The following RABGAP1L variants were observed in gnomAD, a reference collection of about 807,000 sequenced individuals.
The protein encoded by RABGAP1L is rab GTPase-activating protein 1-like.
Under a neutral mutation model 137.7 loss-of-function variants are expected in RABGAP1L, and 63 were observed. The observed-to-expected ratio is 0.46, with a 90% CI of 0.37 to 0.56. The LOEUF (loss-of-function observed/expected upper bound fraction) is 0.56, where lower values mean the gene tolerates loss of function less well. Among genes scored for constraint, RABGAP1L ranks in the 20% least tolerant of loss-of-function variants. RABGAP1L has a pLI of 0.00. For missense variants in RABGAP1L, 1,095 were observed against 1,244.0 expected, an observed-to-expected ratio of 0.88 and a Z score of 1.80; for synonymous variants, 431 against 433.7, an observed-to-expected ratio of 0.99 and a Z score of 0.08.
chr1:174,340,588 A>C (rs1417556603), intron 11 of RABGAP1L, among the ~76,000 whole-genome samples: 1 of 152,150 alleles, frequency 6.6e-6, no homozygotes, highest in East Asian at 1.9e-4. Context: ...CCATGTTCCT[A>C]CAAAGGACAT....
intron 13 of RABGAP1L, among the ~76,000 whole-genome samples, chr1:174,398,406 G>T (rs546940763): frequency 1.3e-5 from 2 of 152,046 alleles, no homozygotes; most frequent in Non-Finnish European, 2.9e-5. Context: ...GCCAGCCTAC[G>T]TCATGAGTCT....
intron 18 of RABGAP1L, chr1:174,800,297 T>C: frequency 6.5e-7 from 1 of 1,537,580 alleles, no homozygotes; most frequent in East Asian, 2.5e-5. Flanking sequence ...GGATAAGAGA[T>C]CCATCTTTCT....
chr1:174,972,055 C>T (rs928853390), intron 21 of RABGAP1L, among the ~76,000 whole-genome samples: 2 of 152,190 alleles, frequency 1.3e-5, no homozygotes, highest in African/African-American at 4.8e-5. Context: ...CGCCCTCTCT[C>T]GGATTCCTTA....
intron 11 of RABGAP1L, among the ~76,000 whole-genome samples, chr1:174,326,211 A>G (rs1033741561): frequency 2.0e-5 from 3 of 152,240 alleles, no homozygotes; most frequent in Non-Finnish European, 4.4e-5. Context: ...AGGACAAAGC[A>G]AGGTCCTAAC....
At chr1:174,527,652 T>G (rs898927821) in intron 13 of RABGAP1L, among the ~76,000 whole-genome samples, 1 of 152,194 alleles carries the variant, frequency 6.6e-6, no homozygotes, top group Non-Finnish European at 1.5e-5. Flanking sequence ...GTTAGGTCCA[T>G]TAGGTCTGAA....
intron 19 of RABGAP1L, among the ~76,000 whole-genome samples, chr1:174,880,443 G>A (rs1016630430): frequency 6.6e-6 from 1 of 151,442 alleles, no homozygotes; most frequent in African/African-American, 2.4e-5. Context: ...TTCAAGACCA[G>A]CGTAGGCAAC....
At chr1:174,550,855 TAA>T (rs1307019761) in intron 13 of RABGAP1L, among the ~76,000 whole-genome samples, 1 of 71,400 alleles carries the variant, frequency 1.4e-5, no homozygotes, top group Non-Finnish European at 2.5e-5. Flanking sequence ...CCGTCTCTGC[TAA>T]ATATATATAT....
rs1218450360 is a variant in RABGAP1L at position 174,991,139 on chromosome 1, T to C, written c.*1138T>C. On this transcript the variant is annotated 3_prime_UTR_variant, in exon 26 of 26. Transcript: ENST00000681986. ...TATAAAACCTTTACAGAAATACTTA[T>C]CTCATGGAAAGGTAAAGCTATTGTT... 4 of 152,202 alleles carry C rather than the reference T, an allele frequency of 2.6e-5. No individual in the cohort carries two copies. The highest frequency in any genetic ancestry group is 4.4e-5 in the Non-Finnish European group (3 of 68,026). The allele number at this position is 152,202 out of a possible 1,614,324, so 9.4% of individuals were successfully genotyped here. A position where few individuals can be genotyped will look rare whatever the true frequency, so the allele number is the denominator to read the frequency against.
chr1:174,632,035 TTGTTCCTTTCCA>T (rs1375778263), intron 13 of RABGAP1L, among the ~76,000 whole-genome samples: 1 of 119,366 alleles, frequency 8.4e-6, no homozygotes, highest in Non-Finnish European at 1.7e-5. Context: ...CTGGTACCGG[TTGTTCCTTTCCA>T]TGTTTAGCGC....
At chr1:174,666,161 A>G (rs1172212597) in intron 14 of RABGAP1L, among the ~76,000 whole-genome samples, 1 of 152,142 alleles carries the variant, frequency 6.6e-6, no homozygotes, top group Non-Finnish European at 1.5e-5. Flanking sequence ...TTTATTCCAC[A>G]TATTTTTTAC....
chr1:174,796,823 A>G (rs1296404796), intron 18 of RABGAP1L, among the ~76,000 whole-genome samples: 2 of 152,126 alleles, frequency 1.3e-5, no homozygotes, highest in Admixed American at 6.5e-5. Context: ...CCTGGCCAAC[A>G]TGGTGAAACC....
chr1:174,232,170 A>C (rs1670720292), intron 4 of RABGAP1L, among the ~76,000 whole-genome samples: 1 of 152,162 alleles, frequency 6.6e-6, no homozygotes. Context: ...CTTATGCTTA[A>C]TTAGGAATAA....
At position 174,417,724 on chromosome 1, in the gene RABGAP1L, G is replaced by A. The variant is rs542302886; in HGVS notation, c.1710+23579G>A. ...TGTTGTGTGTGTATTTAACACAGTC[G>A]TTTTAAGAATCACATATTAATTTAC... On this transcript the variant is annotated intron_variant, in intron 13 of 25. Transcript: ENST00000681986. Among the ~76,000 whole-genome samples the A allele has an allele frequency of 1.8e-4, 28 of 152,198 alleles. No individual in the cohort carries two copies. In the South Asian group the frequency reaches 5.0e-3, roughly 27 times the overall value.
At chr1:174,784,266 A>G (rs1189442939) in intron 18 of RABGAP1L, among the ~76,000 whole-genome samples, 2 of 151,440 alleles carry the variant, frequency 1.3e-5, no homozygotes, top group Non-Finnish European at 2.9e-5. Context: ...TGATCCGCCC[A>G]CCTCGGCTCC....
intron 18 of RABGAP1L, among the ~76,000 whole-genome samples, chr1:174,797,772 C>A (rs1278244349): frequency 2.0e-5 from 3 of 151,438 alleles, no homozygotes; most frequent in Non-Finnish European, 4.4e-5. Flanking sequence ...ATGAAAGGCC[C>A]AGAACCTTTT....
intron 18 of RABGAP1L, among the ~76,000 whole-genome samples, chr1:174,808,411 A>G (rs1378530833): frequency 6.6e-6 from 1 of 152,210 alleles, no homozygotes; most frequent in East Asian, 1.9e-4. Context: ...CTATGATTGC[A>G]CCATCGTACT....
intron 20 of RABGAP1L, among the ~76,000 whole-genome samples, chr1:174,967,700 T>C (rs2157540): frequency 6.6e-4 from 101 of 152,074 alleles, no homozygotes; most frequent in Non-Finnish European, 1.2e-3. Flanking sequence ...TTGCTGAGGC[T>C]GGTCTTGAAT....
chr1:174,526,830 T>G (rs1029040264), intron 13 of RABGAP1L, among the ~76,000 whole-genome samples: 6 of 152,146 alleles, frequency 3.9e-5, no homozygotes, highest in African/African-American at 1.4e-4. Flanking sequence ...TGTTTAGCTC[T>G]GCTCTTATCT....
At chr1:174,312,346 T>C (rs1678937537) in intron 11 of RABGAP1L, among the ~76,000 whole-genome samples, 1 of 152,232 alleles carries the variant, frequency 6.6e-6, no homozygotes, top group Non-Finnish European at 1.5e-5. Context: ...TGATCAAAGA[T>C]GTTGAGCATC....
Sources: allele counts gnomAD v4.1 joint callset (sites outside exome capture counted in the v4.1 genomes callset), GRCh38; gene constraint gnomAD v4.1.1; transcripts MANE v1.5; gene names NCBI Gene and HGNC (gene_info 2026-07-23, HGNC 2026-07-21).